The following MAPK14 variants were observed in gnomAD, a reference collection of about 807,000 sequenced individuals.
The protein encoded by MAPK14 is CSAID-binding protein.
Under a neutral mutation model 49.6 loss-of-function variants are expected in MAPK14, and 16 were observed. The ratio of observed to expected loss-of-function variants is 0.32; its 90% CI spans 0.22 to 0.49. MAPK14 has a LOEUF of 0.49. Among genes scored for constraint, MAPK14 ranks in the 20% least tolerant of loss-of-function variants. The pLI is 0.99. For missense variants in MAPK14, 200 were observed against 441.2 expected, an observed-to-expected ratio of 0.45 and a Z score of 4.90; for synonymous variants, 142 against 158.0, an observed-to-expected ratio of 0.90 and a Z score of 0.76.
chr6:36,085,587 G>A (rs984259938), intron 8 of MAPK14, among the ~76,000 whole-genome samples: 2 of 152,146 alleles, frequency 1.3e-5, no homozygotes, highest in Admixed American at 1.3e-4. Context: ...TTACATAGTG[G>A]TAAAGGGCTC....
intron 8 of MAPK14, among the ~76,000 whole-genome samples, chr6:36,084,044 G>A (rs1475216795): frequency 6.6e-6 from 1 of 152,200 alleles, no homozygotes; most frequent in East Asian, 1.9e-4. Context: ...ACACCTCCAG[G>A]TACAGGAGGG....
intron 9 of MAPK14, among the ~76,000 whole-genome samples, chr6:36,098,866 G>A (rs73409871): frequency 0.042 from 6,338 of 152,206 alleles, 401 homozygotes; most frequent in African/African-American, 0.14. Context: ...TCTGTTATCT[G>A]TACTCCTAAC....
rs1765871901 is a variant in MAPK14, at chr6:36,108,577, CG to C, written c.*131del. On this transcript the variant is annotated 3_prime_UTR_variant, in exon 12 of 12. Transcript: ENST00000229794. The stretch of plus-strand genomic sequence containing the variant: ...TCCATGGTGGAAGGGGGTGTGCGTG[CG>C]TGTGCGTGCGTGTTAGTGTGTGTGC... 1 of 514,914 alleles carries C rather than the reference CG, an allele frequency of 1.9e-6. No homozygotes were observed. The highest frequency in any genetic ancestry group is 3.7e-6 in the Non-Finnish European group (1 of 270,988). 31.9% of individuals were successfully genotyped at this position (514,914 alleles called of 1,614,324 possible).
At chr6:36,084,375 C>A (rs574154969) in intron 8 of MAPK14, among the ~76,000 whole-genome samples, 1 of 152,122 alleles carries the variant, frequency 6.6e-6, no homozygotes, top group Non-Finnish European at 1.5e-5. Context: ...AGTAGACTTC[C>A]GAAGGTGGAT....
chr6:36,104,429 C>T (rs1173669331), intron 10 of MAPK14, among the ~76,000 whole-genome samples: 2 of 152,008 alleles, frequency 1.3e-5, no homozygotes, highest in African/African-American at 4.8e-5. Flanking sequence ...GCTCTGTCGT[C>T]CAGGTTGGAG....
In MAPK14 at chr6:36,107,541, C is replaced by G; in HGVS notation, c.928C>G (p.Gln310Glu). The change falls in exon 11 of 12, where the codon CAG (glutamine) becomes GAG (glutamate). Residue 310 changes from glutamine to glutamate, a missense_variant. By Grantham distance (29) the Gln-to-Glu change is conservative (BLOSUM62 2). Around this residue, in one of 2 missense-constraint regions of MAPK14, gnomAD observed 170 missense variants for 407.0 expected, o/e 0.42. Coordinates refer to ENST00000229794, the MANE Select transcript of MAPK14 (RefSeq NM_139012.3). This position sits in a 1 kb window ranked among gnomAD's most constrained non-coding sequence, Gnocchi z 4.3. ...AQALAHAYFA[Q>E]YHDPDDEPVA... ...AGCCCTTGCACATGCCTACTTTGCT[C>G]AGTACCACGATCCTGATGATGAACC... The G allele has an allele frequency of 6.2e-7, 1 of 1,606,796 alleles. No homozygotes were observed. Among genetic ancestry groups the G allele is most frequent in the Non-Finnish European group, 8.5e-7 (1 of 1,176,554 alleles).
intron 3 of MAPK14, among the ~76,000 whole-genome samples, chr6:36,065,605 A>G (rs1764023079): frequency 6.7e-6 from 1 of 150,304 alleles, no homozygotes; most frequent in Non-Finnish European, 1.5e-5. Context: ...GAGGGACTAG[A>G]TCTTTGGGGC....
chr6:36,091,844 C>CTTTTTTTTTTTTTTTTTTTTTT (rs1185804651), intron 8 of MAPK14: 1 of 124,850 alleles, frequency 8.0e-6, no homozygotes, highest in Admixed American at 8.5e-5. Context: ...CTTTTCTTTT[C>CTTTTTTTTTTTTTTTTTTTTTT]TTTTTTTTTT....
At chr6:36,059,186 G>A (rs576479374) in intron 2 of MAPK14, 103 bp from the exon 3 acceptor site, 15 of 713,770 alleles carry the variant, frequency 2.1e-5, no homozygotes, top group Admixed American at 1.1e-4. Context: ...CACTGCTCCC[G>A]GCCTAGACCC....
At chr6:36,089,395 G>A (rs150738808) in intron 8 of MAPK14, among the ~76,000 whole-genome samples, 81 of 152,306 alleles carry the variant, frequency 5.3e-4, no homozygotes, top group African/African-American at 1.8e-3. Flanking sequence ...GTGGGGGTCA[G>A]GCGGAGGGAA....
chr6:36,044,127 C>G lies in MAPK14; in HGVS notation c.117-8572C>G, dbSNP rs1581741827. 3.3e-5 allele frequency among the ~76,000 whole-genome samples: 5 copies of G among 152,118 alleles called. No individual in the cohort carries two copies. The South Asian group carries it at 8.3e-4, about 25-fold the overall frequency. ...ACCCGGCCCTCACTTTATAGATATTCTAATGAATTTAATGTATTAATGAGA... is the reference window on the plus strand; with the variant it reads ...ACCCGGCCCTCACTTTATAGATATTGTAATGAATTTAATGTATTAATGAGA... On this transcript the variant is annotated intron_variant, in intron 1 of 11. Coordinates refer to ENST00000229794, the MANE Select transcript of MAPK14 (RefSeq NM_139012.3).
chr6:36,072,041 A>G (rs1224320663), intron 3 of MAPK14, among the ~76,000 whole-genome samples: 1 of 152,158 alleles, frequency 6.6e-6, no homozygotes, highest in Non-Finnish European at 1.5e-5. Context: ...AGGAATAAGT[A>G]TGTAAATGTT....
At chr6:36,100,509 T>G (rs1765597067) in intron 9 of MAPK14, among the ~76,000 whole-genome samples, 1 of 152,210 alleles carries the variant, frequency 6.6e-6, no homozygotes, top group Non-Finnish European at 1.5e-5. Flanking sequence ...GTTGTGTGAA[T>G]TTAGTGCTTG....
At chr6:36,052,236 G>A (rs774826240) in intron 1 of MAPK14, among the ~76,000 whole-genome samples, 5 of 152,176 alleles carry the variant, frequency 3.3e-5, no homozygotes, top group Non-Finnish European at 5.9e-5. Flanking sequence ...GCAAGGTGAC[G>A]ACAGTGAGGC....
intron 8 of MAPK14, among the ~76,000 whole-genome samples, chr6:36,078,198 A>T (rs542291396): frequency 6.6e-6 from 1 of 152,298 alleles, no homozygotes; most frequent in East Asian, 1.9e-4. Flanking sequence ...TATTTCTCTC[A>T]GTTTCCTTAA....
intron 1 of MAPK14, among the ~76,000 whole-genome samples, chr6:36,031,204 G>A (rs897373418): frequency 6.6e-6 from 1 of 152,096 alleles, no homozygotes; most frequent in Non-Finnish European, 1.5e-5. Flanking sequence ...TAGTAGAGAC[G>A]GGGTTCTCCA....
intron 4 of MAPK14, 77 bp downstream of exon 4, chr6:36,073,061 G>A (rs778172863): frequency 3.3e-6 from 3 of 898,652 alleles, no homozygotes; most frequent in Admixed American, 1.9e-5. Context: ...AAACAAACAA[G>A]TAAACAACTT....
At chr6:36,114,617 TAAA>T (rs376202964), downstream of MAPK14, among the ~76,000 whole-genome samples, 5 of 132,306 alleles carry the variant, frequency 3.8e-5, no homozygotes, top group African/African-American at 8.4e-5. Flanking sequence ...GAACTCTGTT[TAAA>T]AAAAAAAAAA....
chr6:36,103,124 C>T (rs764857342), intron 10 of MAPK14, among the ~76,000 whole-genome samples: 6 of 152,206 alleles, frequency 3.9e-5, no homozygotes, highest in African/African-American at 9.6e-5. Flanking sequence ...TCGTCTTCCA[C>T]ACTCATGAAC....
Sources: gnomAD v4.1 joint callset for allele counts (sites outside exome capture counted in the v4.1 genomes callset) on GRCh38, gnomAD v4.1.1 for gene constraint, gnomAD v4.1.1 regional missense constraint, Gnocchi (gnomAD v3.1) non-coding constraint, MANE v1.5 for transcripts, NCBI Gene and HGNC (gene_info 2026-07-23, HGNC 2026-07-21) for gene names.